Variants in HS6ST1 observed in about 807,000 individuals in gnomAD.
HS6ST1 encodes heparan sulfate 6-O-sulfotransferase 1, also known as heparan-sulfate 6-O-sulfotransferase 1.
A neutral mutation model predicts 25.2 loss-of-function variants in HS6ST1; 3 were observed. The ratio of observed to expected loss-of-function variants is 0.12; its 90% CI spans 0.05 to 0.31. The LOEUF is 0.31. HS6ST1 is among the 10% of genes least tolerant of loss of function. The probability of loss-of-function intolerance (pLI) is 1.00; values close to 1 mark genes in which losing one functional copy is unlikely to be tolerated. For synonymous variants in HS6ST1, 204 were observed against 275.1 expected (o/e 0.74, Z 2.56); for missense variants, 310 against 609.6 (o/e 0.51, Z 5.18).
intron 1 of HS6ST1, among the ~76,000 whole-genome samples, chr2:128,314,910 T>C (rs760005197): frequency 6.6e-6 from 1 of 152,198 alleles, no homozygotes; most frequent in Non-Finnish European, 1.5e-5. Flanking sequence ...TGCCTGTTCT[T>C]GCGTTGCCTT....
intron 1 of HS6ST1, among the ~76,000 whole-genome samples, chr2:128,279,123 A>G (rs2104916095): frequency 1.0e-5 from 1 of 97,512 alleles, no homozygotes; most frequent in African/African-American, 5.6e-5. Context: ...GCATTTGTCC[A>G]GGGTGAGCCC....
At chr2:128,280,163 G>A (rs1338823486) in intron 1 of HS6ST1, among the ~76,000 whole-genome samples, 1 of 152,236 alleles carries the variant, frequency 6.6e-6, no homozygotes, top group Non-Finnish European at 1.5e-5. Flanking sequence ...ACAGCACCAA[G>A]CAGTCCGGCT....
rs73956985 is a variant in HS6ST1, at chr2:128,292,118, G to A, written c.528-23248C>T. Among the ~76,000 whole-genome samples, 593 of 152,224 alleles carry A rather than the reference G, an allele frequency of 3.9e-3. 8 individuals are homozygous for A. The highest frequency in any genetic ancestry group is 0.014 in the Middle Eastern group (4 of 292). On this transcript the variant is annotated intron_variant, in intron 1 of 1. Transcript: ENST00000259241. ...ACAGTGAGGAGGGTGAACTGAGGCC[G>A]GGGGGGCTGGGCCCAGCAAGAGTGC...
In HS6ST1 at chr2:128,318,489, C is replaced by G. The variant is rs370007456; in HGVS notation, c.75G>C (p.Ser25=). Residue 25 remains serine (S), a synonymous_variant, in exon 1 of 2, where the codon TCG becomes TCC. Transcript: ENST00000259241. This position sits in a 1 kb window ranked among gnomAD's most constrained non-coding sequence, Gnocchi z 5.7. ...GGTACAAGATGAGCATGAAGCACACCGAGCCCGCCACCACCAGCACGAACT... is the reference window on the plus strand; with the variant it reads ...GGTACAAGATGAGCATGAAGCACACGGAGCCCGCCACCACCAGCACGAACT... ...ASKFVLVVAG[S]VCFMLILYQY... 3,505 of 1,549,984 alleles carry G rather than the reference C, an allele frequency of 2.3e-3. 7 individuals are homozygous for G. The highest frequency in any genetic ancestry group is 3.6e-3 in the Admixed American group (185 of 51,396).
intron 1 of HS6ST1, among the ~76,000 whole-genome samples, chr2:128,295,523 T>C (rs966386834): frequency 2.6e-5 from 4 of 152,256 alleles, no homozygotes; most frequent in African/African-American, 9.6e-5. Context: ...TAACTCATTC[T>C]ATGAGGTCAG....
intron 1 of HS6ST1, among the ~76,000 whole-genome samples, chr2:128,314,753 G>A (rs1462516251): frequency 6.6e-6 from 1 of 152,234 alleles, no homozygotes; most frequent in Non-Finnish European, 1.5e-5. Context: ...AGAGGCCCTG[G>A]TGCAGAGAGG....
At chr2:128,285,515 C>T (rs1019496278) in intron 1 of HS6ST1, among the ~76,000 whole-genome samples, 5 of 152,242 alleles carry the variant, frequency 3.3e-5, no homozygotes, top group Non-Finnish European at 5.9e-5. Flanking sequence ...CCTGCCGCTA[C>T]GGCCCAGCTC....
At chr2:128,311,190 TCA>T (rs1365012731) in intron 1 of HS6ST1, among the ~76,000 whole-genome samples, 1 of 152,168 alleles carries the variant, frequency 6.6e-6, no homozygotes, top group Non-Finnish European at 1.5e-5. Flanking sequence ...CAGCAAATCT[TCA>T]CAGAGCCAAC....
chr2:128,267,223 G>A lies in HS6ST1; in HGVS notation c.*939C>T, dbSNP rs982611873. 2 of 152,142 alleles carry A rather than the reference G, an allele frequency of 1.3e-5. No individual in the cohort carries two copies. The highest frequency in any genetic ancestry group is 4.8e-5 in the African/African-American group (2 of 41,416). The allele number at this position is 152,142 out of a possible 1,614,324, so 9.4% of individuals were successfully genotyped here. A position where few individuals can be genotyped will look rare whatever the true frequency, so the allele number is the denominator to read the frequency against. ...TATGTGTTTCGGTGATGGGGCTGGGGCAGCCTGCTAGCAAATCCCAGTGGG... is the reference window on the plus strand; with the variant it reads ...TATGTGTTTCGGTGATGGGGCTGGGACAGCCTGCTAGCAAATCCCAGTGGG... On this transcript the variant is annotated 3_prime_UTR_variant, in exon 2 of 2. Coordinates refer to ENST00000259241, the MANE Select transcript of HS6ST1 (RefSeq NM_004807.3).
chr2:128,311,026 CCT>C (rs1284487694), intron 1 of HS6ST1, among the ~76,000 whole-genome samples: 1 of 152,136 alleles, frequency 6.6e-6, no homozygotes, highest in African/African-American at 2.4e-5. Context: ...CCTGCAAAAC[CCT>C]GTGTGTGGGA....
At chr2:128,294,334 CTGCCCATGAAG>C (rs1427442606) in intron 1 of HS6ST1, among the ~76,000 whole-genome samples, 1 of 152,216 alleles carries the variant, frequency 6.6e-6, no homozygotes, top group Admixed American at 6.5e-5. Flanking sequence ...GCCCCGGGCC[CTGCCCATGAAG>C]TGCCGCAGTC....
chr2:128,300,086 C>T (rs1694100718), intron 1 of HS6ST1, among the ~76,000 whole-genome samples: 1 of 152,128 alleles, frequency 6.6e-6, no homozygotes, highest in Non-Finnish European at 1.5e-5. Flanking sequence ...CTGAATTCAC[C>T]AAACCAAGGA....
Position 128,318,487 on chromosome 2 carries a change from A to G in HS6ST1, c.77T>C (p.Val26Ala). The G allele has an allele frequency of 6.4e-7, 1 of 1,550,860 alleles. No homozygotes were observed. The highest frequency in any genetic ancestry group is 2.4e-5 in the East Asian group (1 of 41,316). Reference sequence around the variant, plus strand: ...CTGGTACAAGATGAGCATGAAGCACACCGAGCCCGCCACCACCAGCACGAA... The same window carrying G: ...CTGGTACAAGATGAGCATGAAGCACGCCGAGCCCGCCACCACCAGCACGAA... ...SKFVLVVAGS[V>A]CFMLILYQYA... Residue 26 changes from valine to alanine, a missense_variant, in exon 1 of 2, where the codon GTG becomes GCG. By Grantham distance (64) the Val-to-Ala change is moderately conservative. Transcript: ENST00000259241. The surrounding 1 kb of genome is among the most constrained non-coding windows in gnomAD (Gnocchi z 5.7).
intron 1 of HS6ST1, among the ~76,000 whole-genome samples, chr2:128,281,220 G>A (rs574689356): frequency 2.0e-5 from 3 of 152,340 alleles, no homozygotes; most frequent in South Asian, 2.1e-4. Flanking sequence ...GCCTCATGAC[G>A]CTGCTTCTGC....
chr2:128,314,620 T>A (rs1694334812), intron 1 of HS6ST1, among the ~76,000 whole-genome samples: 1 of 152,152 alleles, frequency 6.6e-6, no homozygotes, highest in African/African-American at 2.4e-5. Context: ...CTGAGAAGGC[T>A]TCAGGATCAC....
At chr2:128,274,792 T>C (rs968835312) in intron 1 of HS6ST1, among the ~76,000 whole-genome samples, 1 of 151,804 alleles carries the variant, frequency 6.6e-6, no homozygotes, top group African/African-American at 2.4e-5. Flanking sequence ...GCCTGGCCAA[T>C]GGTGGCAAAA....
At chr2:128,275,024 T>C (rs538003081) in intron 1 of HS6ST1, among the ~76,000 whole-genome samples, 154 of 148,560 alleles carry the variant, frequency 1.0e-3, no homozygotes, top group Admixed American at 3.1e-3. Flanking sequence ...ACAGATGGCC[T>C]GACACAACTG....
chr2:128,296,879 T>A lies in HS6ST1; in HGVS notation c.527+21158A>T, dbSNP rs72969052. 3.4e-3 allele frequency among the ~76,000 whole-genome samples: 516 copies of A among 152,308 alleles called. 7 individuals are homozygous for A. The highest frequency in any genetic ancestry group is 0.011 in the African/African-American group (465 of 41,562). ...AGAGTAACTTAACCTAAAATTCATA[T>A]GAAATTTCAAGGGATTTTGAATAGC... On this transcript the variant is annotated intron_variant, in intron 1 of 1. Coordinates refer to ENST00000259241, the MANE Select transcript of HS6ST1 (RefSeq NM_004807.3).
rs1174383328 is a variant in HS6ST1 at position 128,318,535 on chromosome 2, G to A, written c.29C>T (p.Thr10Ile). 2.0e-6 allele frequency: 3 copies of A among 1,502,070 alleles called. No homozygotes were observed. The highest frequency in any genetic ancestry group is 2.6e-6 in the Non-Finnish European group (3 of 1,133,040). 93.0% of individuals were successfully genotyped at this position (1,502,070 alleles called of 1,614,324 possible). MRRRRAGGR[T>I]MVERASKFVL... The stretch of plus-strand genomic sequence containing the variant: ...GAACTTGCTGGCGCGCTCAACCATG[G>A]TCCTGCCGCCGGCGCGCCGCCGCCG... The change falls in exon 1 of 2, where the codon ACC becomes ATC. Residue 10 changes from threonine (T) to isoleucine (I), a missense_variant. By Grantham distance (89) the Thr-to-Ile change is moderately conservative. This residue lies in a region of HS6ST1 where 63 missense variants were observed against 105.4 expected (regional missense o/e 0.60). Coordinates refer to ENST00000259241, the MANE Select transcript of HS6ST1 (RefSeq NM_004807.3). This position sits in a 1 kb window ranked among gnomAD's most constrained non-coding sequence, Gnocchi z 5.7.
Sources: allele counts gnomAD v4.1 joint callset (sites outside exome capture counted in the v4.1 genomes callset), GRCh38; gene constraint gnomAD v4.1.1; regional missense constraint gnomAD v4.1.1; non-coding constraint Gnocchi (gnomAD v3.1); transcripts MANE v1.5; gene names NCBI Gene and HGNC (gene_info 2026-07-23, HGNC 2026-07-21).